Variants in RGS6 observed in about 807,000 individuals in gnomAD.
The protein encoded by RGS6 is regulator of G-protein signaling 6.
A neutral mutation model predicts 78.5 loss-of-function variants in RGS6; 30 were observed. That is an observed-to-expected ratio of 0.38 (90% CI 0.29 to 0.52). RGS6 has a LOEUF of 0.52. RGS6 is among the 20% of genes least tolerant of loss of function. The probability of loss-of-function intolerance (pLI) is 0.85; values close to 1 mark genes in which losing one functional copy is unlikely to be tolerated. For missense variants in RGS6, 495 were observed against 609.7 expected, an observed-to-expected ratio of 0.81 and a Z score of 1.98; for synonymous variants, 206 against 206.0, an observed-to-expected ratio of 1.00 and a Z score of 0.00.
At chr14:72,528,792 G>A (rs566518567) in intron 15 of RGS6, among the ~76,000 whole-genome samples, 1 of 152,308 alleles carries the variant, frequency 6.6e-6, no homozygotes, top group East Asian at 1.9e-4. Context: ...GCAGGGGCTT[G>A]GCTTGGCTGG....
At chr14:72,334,409 G>A (rs1271103518) in intron 2 of RGS6, among the ~76,000 whole-genome samples, 2 of 152,206 alleles carry the variant, frequency 1.3e-5, no homozygotes, top group Non-Finnish European at 2.9e-5. Context: ...TAAGCCCATA[G>A]GGTGGACAAG....
chr14:72,248,498 T>C (rs2054810339), intron 2 of RGS6, among the ~76,000 whole-genome samples: 1 of 152,242 alleles, frequency 6.6e-6, no homozygotes, highest in Non-Finnish European at 1.5e-5. Flanking sequence ...CAAATAACAC[T>C]CTATGTAACC....
the RGS6 span, among the ~76,000 whole-genome samples, chr14:71,923,546 C>T: frequency 6.6e-6 from 1 of 152,062 alleles, no homozygotes; most frequent in Non-Finnish European, 1.5e-5. Flanking sequence ...CATAGCAAGA[C>T]CTCATATCTA....
chr14:72,478,948 C>T (rs1485253693), intron 12 of RGS6, among the ~76,000 whole-genome samples: 1 of 152,116 alleles, frequency 6.6e-6, no homozygotes, highest in Non-Finnish European at 1.5e-5. Flanking sequence ...TTAACTCTTC[C>T]GTGAAGATGG....
At chr14:72,436,278 G>A (rs1176350257) in intron 3 of RGS6, among the ~76,000 whole-genome samples, 1 of 148,718 alleles carries the variant, frequency 6.7e-6, no homozygotes, top group Admixed American at 6.7e-5. Flanking sequence ...TTTTTTTTCT[G>A]GAACATACAG....
intron 3 of RGS6, among the ~76,000 whole-genome samples, chr14:72,366,861 G>C (rs1213186137): frequency 1.3e-5 from 2 of 152,190 alleles, no homozygotes. Context: ...AGATTGTGCA[G>C]CTTTGCCCAG....
intron 2 of RGS6, among the ~76,000 whole-genome samples, chr14:72,231,762 G>T (rs1007829389): frequency 6.6e-6 from 1 of 152,188 alleles, no homozygotes; most frequent in African/African-American, 2.4e-5. Context: ...ATAGGGAAGA[G>T]CGTGTTCGAG....
chr14:72,266,146 C>T (rs1321783518), intron 2 of RGS6, among the ~76,000 whole-genome samples: 4 of 152,104 alleles, frequency 2.6e-5, no homozygotes, highest in South Asian at 2.1e-4. Flanking sequence ...TGAAGGGGGT[C>T]GCTGGATACT....
chr14:72,261,447 T>C (rs376891325), intron 2 of RGS6, among the ~76,000 whole-genome samples: 135 of 127,808 alleles, frequency 1.1e-3, no homozygotes, highest in African/African-American at 3.4e-3. Flanking sequence ...ACGAAATTAC[T>C]ATACTTTTAG....
At chr14:72,286,236 A>AT (rs762765938) in intron 2 of RGS6, among the ~76,000 whole-genome samples, 3 of 152,142 alleles carry the variant, frequency 2.0e-5, no homozygotes, top group South Asian at 4.1e-4. Context: ...ATAAGTATTC[A>AT]TTTTTTGCAG....
chr14:72,382,693 C>A (rs1052985209), intron 3 of RGS6, among the ~76,000 whole-genome samples: 1 of 152,118 alleles, frequency 6.6e-6, no homozygotes, highest in Non-Finnish European at 1.5e-5. Flanking sequence ...CCAGGCATGA[C>A]GTTTGGCTCT....
chr14:71,867,845 A>C, the RGS6 span, among the ~76,000 whole-genome samples: 2 of 152,064 alleles, frequency 1.3e-5, no homozygotes, highest in Non-Finnish European at 2.9e-5. Context: ...GGGGGCCATC[A>C]CCAAGGAGCA....
intron 3 of RGS6, among the ~76,000 whole-genome samples, chr14:72,423,825 A>G (rs78812696): frequency 0.011 from 1,641 of 152,272 alleles, 32 homozygotes; most frequent in African/African-American, 0.038. Context: ...CCTAAAATAA[A>G]AGTCAAAACA....
intron 2 of RGS6, among the ~76,000 whole-genome samples, chr14:72,321,424 A>T (rs2071991282): frequency 6.6e-6 from 1 of 152,058 alleles, no homozygotes; most frequent in South Asian, 2.1e-4. Flanking sequence ...GAAATCGAGT[A>T]ATAAAGTAAA....
At chr14:72,627,983 G>C in the RGS6 span, among the ~76,000 whole-genome samples, 1 of 151,998 alleles carries the variant, frequency 6.6e-6, no homozygotes, top group African/African-American at 2.4e-5. Flanking sequence ...TTTATAATCT[G>C]TTACCTTTTA....
chr14:72,347,422 G>A (rs2239232), intron 2 of RGS6, among the ~76,000 whole-genome samples: 70,252 of 151,724 alleles, frequency 0.46, 16,527 homozygotes, highest in South Asian at 0.6. Flanking sequence ...GATTCTCTGG[G>A]TCAATTTCTC....
intron 2 of RGS6, among the ~76,000 whole-genome samples, chr14:72,054,261 GGTTTTGTTTT>G (rs138053352): frequency 6.6e-6 from 1 of 151,024 alleles, no homozygotes; most frequent in Non-Finnish European, 1.5e-5. Flanking sequence ...TTGTTTGGGA[GGTTTTGTTTT>G]GTTTTGTTTT....
the RGS6 span, among the ~76,000 whole-genome samples, chr14:72,589,648 C>T: frequency 1.3e-5 from 2 of 152,302 alleles, no homozygotes; most frequent in African/African-American, 4.8e-5. Context: ...GACCTTGTTA[C>T]TCTGCTTCTG....
chr14:71,902,339 G>T, the RGS6 span, among the ~76,000 whole-genome samples: 1 of 152,140 alleles, frequency 6.6e-6, no homozygotes, highest in Non-Finnish European at 1.5e-5. Flanking sequence ...TATTTCCATA[G>T]TCACTTGAAT....
Sources: allele counts gnomAD v4.1 joint callset (sites outside exome capture counted in the v4.1 genomes callset), GRCh38; gene constraint gnomAD v4.1.1; transcripts MANE v1.5; gene names NCBI Gene and HGNC (gene_info 2026-07-23, HGNC 2026-07-21).